TENM1: variants seen among roughly 807,000 people sequenced by gnomAD.
TENM1 encodes the protein teneurin transmembrane protein 1, also known as teneurin-1.
Under a neutral mutation model 174.8 loss-of-function variants are expected in TENM1, and 35 were observed. The observed-to-expected ratio is 0.20, with a 90% confidence interval of 0.15 to 0.27. The LOEUF is 0.27. TENM1 is among the 10% of genes least tolerant of loss of function. TENM1 has a pLI of 1.00. For missense variants in TENM1, 1,633 were observed against 2,130.1 expected (o/e 0.77, Z 4.59); for synonymous variants, 781 against 798.7 (o/e 0.98, Z 0.37).
At chrX:124,905,442 C>A (rs906960804) in intron 1 of TENM1, among the ~76,000 whole-genome samples, 2 of 112,031 alleles carry the variant, frequency 1.8e-5, no homozygotes, top group Non-Finnish European at 3.8e-5. Flanking sequence ...GAGAAGACTT[C>A]CACTTGCAAA....
chrX:124,499,742 A>T (rs1380298466), intron 19 of TENM1, among the ~76,000 whole-genome samples: 2 of 112,019 alleles, frequency 1.8e-5, no homozygotes, highest in African/African-American at 6.5e-5. Flanking sequence ...GTTGCACAAC[A>T]TCATTGAAGA....
chrX:124,797,808 A>T (rs192563416), intron 3 of TENM1, among the ~76,000 whole-genome samples: 2 of 110,475 alleles, frequency 1.8e-5, no homozygotes, highest in African/African-American at 6.6e-5. Flanking sequence ...TTTTAAGCCA[A>T]GCATGCATTA....
intron 9 of TENM1, among the ~76,000 whole-genome samples, chrX:124,645,642 C>T (rs2051138998): frequency 1.8e-5 from 2 of 110,967 alleles, no homozygotes; most frequent in South Asian, 7.6e-4. Context: ...ATTTTTCTTC[C>T]TCAGGGAGAT....
At chrX:124,893,733 G>A (rs1164389571) in intron 3 of TENM1, among the ~76,000 whole-genome samples, 1 of 111,422 alleles carries the variant, frequency 9.0e-6, no homozygotes, top group Non-Finnish European at 1.9e-5. Context: ...ATACACCAAT[G>A]CCCCCTTACT....
At chrX:124,545,366 C>T (rs2048407120) in intron 15 of TENM1, among the ~76,000 whole-genome samples, 1 of 112,179 alleles carries the variant, frequency 8.9e-6, no homozygotes, top group Non-Finnish European at 1.9e-5. Flanking sequence ...TAAGTTTGTC[C>T]TCACTTTTCT....
the TENM1 span, among the ~76,000 whole-genome samples, chrX:125,001,852 TACACACAC>T: frequency 1.8e-4 from 15 of 84,922 alleles, no homozygotes; most frequent in African/African-American, 5.9e-4. Flanking sequence ...TATAGATAGA[TACACACAC>T]ACACACACAC....
Position 124,646,697 on chromosome X carries a change from GAGC to G in TENM1, c.1681+9_1681+11del, listed in dbSNP as rs747354672. On this transcript the variant is annotated intron_variant, in intron 9 of 31. Coordinates refer to ENST00000422452, the Ensembl canonical transcript of TENM1. Reference sequence around the variant, plus strand: ...TTTTCCTAAACCAATCAGAATAACAGAGCAACATTACCTCTAGCACAGTCAGGT... The same window carrying G: ...TTTTCCTAAACCAATCAGAATAACAGAACATTACCTCTAGCACAGTCAGGT... 2 of 1,138,947 alleles carry G rather than the reference GAGC, an allele frequency of 1.8e-6. No homozygotes were observed. Among genetic ancestry groups the G allele is most frequent in the East Asian group, 6.0e-5 (2 of 33,494 alleles). 93.9% of individuals were successfully genotyped at this position (1,138,947 alleles called of 1,213,427 possible).
intron 26 of TENM1, among the ~76,000 whole-genome samples, chrX:124,405,922 G>A (rs745832547): frequency 9.6e-6 from 1 of 104,403 alleles, no homozygotes; most frequent in South Asian, 4.5e-4. Flanking sequence ...TTCTTGCTTG[G>A]TCTGTATCCT....
intron 11 of TENM1, among the ~76,000 whole-genome samples, chrX:124,618,226 T>C (rs2050438992): frequency 1.8e-5 from 2 of 111,576 alleles, no homozygotes. Context: ...CATCCTATCC[T>C]TACAGATTAT....
At chrX:125,191,593 G>C in the TENM1 span, among the ~76,000 whole-genome samples, 1 of 112,017 alleles carries the variant, frequency 8.9e-6, no homozygotes, top group Admixed American at 9.5e-5. Flanking sequence ...GGAGAGGTCT[G>C]AATGAAAATT....
At chrX:124,529,796 C>A (rs2048064818) in intron 16 of TENM1, 68 bp downstream of exon 19, 1 of 1,188,860 alleles carries the variant, frequency 8.4e-7, no homozygotes, top group Admixed American at 2.2e-5. Context: ...TCATCTGAGC[C>A]CTGGTTTTAC....
the TENM1 span, among the ~76,000 whole-genome samples, chrX:125,155,529 G>A: frequency 4.6e-5 from 5 of 109,474 alleles, no homozygotes; most frequent in African/African-American, 1.3e-4. Flanking sequence ...GGTGGCGCTC[G>A]TCGGGGAGAC....
At chrX:124,908,672 T>C (rs1457240753) in intron 1 of TENM1, among the ~76,000 whole-genome samples, 1 of 111,045 alleles carries the variant, frequency 9.0e-6, no homozygotes, top group African/African-American at 3.3e-5. Context: ...TAAATTTTTT[T>C]AAAAAAGAAG....
intron 3 of TENM1, among the ~76,000 whole-genome samples, chrX:124,842,378 C>G (rs977586463): frequency 1.8e-5 from 2 of 111,608 alleles, no homozygotes; most frequent in Non-Finnish European, 3.8e-5. Context: ...ATGTCACCCA[C>G]CTTTACTCAC....
chrX:124,777,281 T>C (rs781605385), intron 3 of TENM1, among the ~76,000 whole-genome samples: 7 of 111,905 alleles, frequency 6.3e-5, no homozygotes, highest in African/African-American at 2.3e-4. Flanking sequence ...ATTCCTTTTT[T>C]GAAAAAAACG....
intron 3 of TENM1, among the ~76,000 whole-genome samples, chrX:124,769,865 A>C (rs1265375665): frequency 8.9e-6 from 1 of 112,095 alleles, no homozygotes; most frequent in Non-Finnish European, 1.9e-5. Flanking sequence ...ATTCTTATCA[A>C]TCAGACACAA....
At chrX:124,856,015 C>T (rs749911049) in intron 3 of TENM1, among the ~76,000 whole-genome samples, 7 of 109,305 alleles carry the variant, frequency 6.4e-5, no homozygotes, top group African/African-American at 1.7e-4. Flanking sequence ...GTGTTGGGTA[C>T]GGTGGTGGGA....
intron 22 of TENM1, among the ~76,000 whole-genome samples, chrX:124,456,746 T>C (rs1395243457): frequency 8.9e-6 from 1 of 111,921 alleles, no homozygotes; most frequent in African/African-American, 3.2e-5. Flanking sequence ...TCAGATCACA[T>C]AAAGCCATCT....
the TENM1 span, among the ~76,000 whole-genome samples, chrX:125,142,689 C>T: frequency 1.8e-5 from 2 of 111,696 alleles, no homozygotes; most frequent in South Asian, 7.6e-4. Flanking sequence ...TTCTACATCT[C>T]TAGGCATCTC....
Sources: gnomAD v4.1 joint callset for allele counts (sites outside exome capture counted in the v4.1 genomes callset) on GRCh38, gnomAD v4.1.1 for gene constraint, MANE v1.5 for transcripts, NCBI Gene and HGNC (gene_info 2026-07-23, HGNC 2026-07-21) for gene names.